The following TRHDE variants were observed in gnomAD, a reference collection of about 807,000 sequenced individuals.
TRHDE encodes the protein thyrotropin-releasing hormone-degrading ectoenzyme.
Under a neutral mutation model 125.7 loss-of-function variants are expected in TRHDE, and 72 were observed. The ratio of observed to expected loss-of-function variants is 0.57; its 90% CI spans 0.47 to 0.70. The LOEUF (loss-of-function observed/expected upper bound fraction) is 0.70, where lower values mean the gene tolerates loss of function less well. Among genes scored for constraint, TRHDE ranks in the 30% least tolerant of loss-of-function variants. The probability of loss-of-function intolerance (pLI) is 0.00; values close to 1 mark genes in which losing one functional copy is unlikely to be tolerated. For synonymous variants in TRHDE, 509 were observed against 509.1 expected (o/e 1.00, Z 0.00); for missense variants, 1,110 against 1,327.1 (o/e 0.84, Z 2.54).
chr12:72,396,789 T>G (rs1872810820), intron 3 of TRHDE, among the ~76,000 whole-genome samples: 4 of 152,080 alleles, frequency 2.6e-5, no homozygotes, highest in Admixed American at 2.0e-4. Flanking sequence ...TTTATTCTCT[T>G]GGCTCTTGGA....
chr12:72,518,486 TC>T (rs1038071091), intron 6 of TRHDE, among the ~76,000 whole-genome samples: 28 of 152,286 alleles, frequency 1.8e-4, no homozygotes, highest in Non-Finnish European at 3.5e-4. Flanking sequence ...TTTTTAGTTT[TC>T]CATTTGCTTG....
At chr12:72,096,514 A>G (rs10784950) in intron 1 of TRHDE, among the ~76,000 whole-genome samples, 108,742 of 152,192 alleles carry the variant, frequency 0.71, 40,139 homozygotes, top group Non-Finnish European at 0.81. Context: ...GGCTAAGATC[A>G]CTTTTTAGCT....
intron 2 of TRHDE, among the ~76,000 whole-genome samples, chr12:72,151,700 A>G (rs1258330004): frequency 6.6e-5 from 10 of 152,006 alleles, no homozygotes; most frequent in Admixed American, 3.3e-4. Flanking sequence ...AAGATCAGAT[A>G]GTTGTAGACA....
At chr12:72,275,792 C>T (rs1390773472) in intron 1 of TRHDE, among the ~76,000 whole-genome samples, 1 of 152,160 alleles carries the variant, frequency 6.6e-6, no homozygotes, top group East Asian at 1.9e-4. Context: ...CGTATTTGTA[C>T]TCAAACTCTC....
At chr12:72,360,764 C>T (rs1454134385) in intron 2 of TRHDE, among the ~76,000 whole-genome samples, 1 of 151,638 alleles carries the variant, frequency 6.6e-6, no homozygotes, top group Non-Finnish European at 1.5e-5. Context: ...AATTCTAGAG[C>T]AGGAGGGATG....
intron 3 of TRHDE, among the ~76,000 whole-genome samples, chr12:72,397,514 G>A (rs376347778): frequency 6.3e-4 from 96 of 152,156 alleles, no homozygotes; most frequent in African/African-American, 2.2e-3. Flanking sequence ...CAGCCTATGA[G>A]GCCCTCCACC....
intron 3 of TRHDE, among the ~76,000 whole-genome samples, chr12:72,380,743 C>CTTCCTTCT: frequency 1.0e-5 from 1 of 96,746 alleles, no homozygotes; most frequent in Middle Eastern, 5.5e-3. Flanking sequence ...TGCTTCCTTC[C>CTTCCTTCT]TTCCTTCCTT....
chr12:72,281,187 TA>T (rs911262187), intron 1 of TRHDE, among the ~76,000 whole-genome samples: 5 of 151,940 alleles, frequency 3.3e-5, no homozygotes, highest in South Asian at 2.1e-4. Flanking sequence ...AATGGTTATT[TA>T]AAAAAAATAG....
At chr12:72,548,823 C>T (rs1869542260) in intron 7 of TRHDE, among the ~76,000 whole-genome samples, 1 of 151,520 alleles carries the variant, frequency 6.6e-6, no homozygotes, top group Admixed American at 6.6e-5. Context: ...CCTAGTAGTA[C>T]CATTCTTCAT....
intron 4 of TRHDE, among the ~76,000 whole-genome samples, chr12:72,471,618 C>T (rs1876653920): frequency 1.3e-5 from 2 of 152,160 alleles, no homozygotes; most frequent in Admixed American, 1.3e-4. Context: ...ACCTTTCCTG[C>T]CCACCTATTT....
At chr12:72,436,080 T>C (rs1225967150) in intron 3 of TRHDE, among the ~76,000 whole-genome samples, 2 of 152,080 alleles carry the variant, frequency 1.3e-5, no homozygotes, top group Non-Finnish European at 2.9e-5. Flanking sequence ...GGTGTTTTAT[T>C]ATGTGGAGTT....
chr12:72,524,754 C>T (rs1171812351), intron 6 of TRHDE, among the ~76,000 whole-genome samples: 1 of 152,062 alleles, frequency 6.6e-6, no homozygotes. Context: ...TGCTTTTGTC[C>T]TTGTCTGTCG....
intron 2 of TRHDE, among the ~76,000 whole-genome samples, chr12:72,298,551 T>G (rs1476450941): frequency 6.6e-6 from 1 of 152,222 alleles, no homozygotes; most frequent in Non-Finnish European, 1.5e-5. Flanking sequence ...GGCCAAGCCT[T>G]TATAATCCAA....
intron 2 of TRHDE, among the ~76,000 whole-genome samples, chr12:72,233,470 C>T (rs1878285482): frequency 6.6e-6 from 1 of 152,024 alleles, no homozygotes; most frequent in Non-Finnish European, 1.5e-5. Flanking sequence ...ACAGGTGTTA[C>T]AGTGACATTG....
chr12:72,636,762 CAT>C (rs1360830126), intron 15 of TRHDE, among the ~76,000 whole-genome samples: 2 of 152,218 alleles, frequency 1.3e-5, no homozygotes, highest in African/African-American at 2.4e-5. Flanking sequence ...TTGAGACAAT[CAT>C]GTGGTTTTTG....
At chr12:72,128,689 TA>T (rs1481387499) in intron 2 of TRHDE, among the ~76,000 whole-genome samples, 2 of 152,126 alleles carry the variant, frequency 1.3e-5, no homozygotes, top group Non-Finnish European at 2.9e-5. Flanking sequence ...ATGAAAAGAT[TA>T]GTGAATATGA....
rs78554760 is a variant in TRHDE, at chr12:72,441,694, A to T, written c.1316-28064A>T. Among the ~76,000 whole-genome samples the T allele has an allele frequency of 3.2e-3, 489 of 152,022 alleles. 1 individual carries two copies. Among genetic ancestry groups the T allele is most frequent in the African/African-American group, 0.011 (455 of 41,520 alleles). ...TGTATTCTCATTTCCAGAGAACTCG[A>T]AGCTATTCCATTCCAGTTGACGTTG... On this transcript the variant is annotated intron_variant, in intron 3 of 18. Coordinates refer to ENST00000261180, the MANE Select transcript of TRHDE (RefSeq NM_013381.3).
chr12:72,394,200 C>A (rs754302879), intron 3 of TRHDE, among the ~76,000 whole-genome samples: 24 of 152,146 alleles, frequency 1.6e-4, no homozygotes, highest in Non-Finnish European at 2.9e-4. Flanking sequence ...ACAATACTTT[C>A]TGAGCTCTCA....
intron 15 of TRHDE, among the ~76,000 whole-genome samples, chr12:72,630,316 GA>G (rs1417165591): frequency 6.6e-6 from 1 of 151,706 alleles, no homozygotes; most frequent in African/African-American, 2.4e-5. Flanking sequence ...CCCTATAGGG[GA>G]AAAGTAGTCA....
Sources: gnomAD v4.1 joint callset for allele counts (sites outside exome capture counted in the v4.1 genomes callset) on GRCh38, gnomAD v4.1.1 for gene constraint, MANE v1.5 for transcripts, NCBI Gene and HGNC (gene_info 2026-07-23, HGNC 2026-07-21) for gene names.